RABGAP1L: variants seen among roughly 807,000 people sequenced by gnomAD.
The protein encoded by RABGAP1L is RAB GTPase activating protein 1 like, also known as rab GTPase-activating protein 1-like.
Under a neutral mutation model 137.7 loss-of-function variants are expected in RABGAP1L, and 63 were observed. The observed-to-expected ratio is 0.46, with a 90% CI of 0.37 to 0.56. The LOEUF is 0.56. RABGAP1L is among the 20% of genes least tolerant of loss of function. The probability of loss-of-function intolerance (pLI) is 0.00; values close to 1 mark genes in which losing one functional copy is unlikely to be tolerated. For missense variants in RABGAP1L, 1,095 were observed against 1,244.0 expected, an observed-to-expected ratio of 0.88 and a Z score of 1.80; for synonymous variants, 431 against 433.7, an observed-to-expected ratio of 0.99 and a Z score of 0.08.
intron 13 of RABGAP1L, among the ~76,000 whole-genome samples, chr1:174,509,923 C>T (rs975925366): frequency 6.6e-6 from 1 of 152,166 alleles, no homozygotes; most frequent in African/African-American, 2.4e-5. Flanking sequence ...AATTCATCTC[C>T]TTCATTCTGT....
intron 11 of RABGAP1L, among the ~76,000 whole-genome samples, chr1:174,360,247 A>AT (rs5778800): frequency 0.59 from 88,962 of 151,480 alleles, 29,012 homozygotes; most frequent in African/African-American, 0.89. Context: ...AAAAGTTAAA[A>AT]TTTTTTTTTG....
At chr1:174,942,658 G>A (rs529883379) in intron 19 of RABGAP1L, among the ~76,000 whole-genome samples, 1 of 152,206 alleles carries the variant, frequency 6.6e-6, no homozygotes, top group African/African-American at 2.4e-5. Context: ...ATTCATACAT[G>A]TAAAGCATAT....
intron 10 of RABGAP1L, among the ~76,000 whole-genome samples, chr1:174,285,736 A>G (rs893893769): frequency 3.9e-5 from 6 of 152,088 alleles, no homozygotes; most frequent in South Asian, 2.1e-4. Context: ...CTTGTCATAT[A>G]TGGTCTTTCT....
chr1:174,659,440 C>A (rs903754175), intron 14 of RABGAP1L, among the ~76,000 whole-genome samples: 1 of 152,168 alleles, frequency 6.6e-6, no homozygotes, highest in Non-Finnish European at 1.5e-5. Flanking sequence ...CCTGTCAGCA[C>A]CATCGTGCAC....
intron 19 of RABGAP1L, among the ~76,000 whole-genome samples, chr1:174,948,391 G>A (rs1481269505): frequency 6.6e-6 from 1 of 151,092 alleles, no homozygotes; most frequent in African/African-American, 2.4e-5. Context: ...GTATGGTGGC[G>A]GGTGCTTGTA....
At chr1:174,430,833 T>C (rs1455433278) in intron 13 of RABGAP1L, among the ~76,000 whole-genome samples, 3 of 152,200 alleles carry the variant, frequency 2.0e-5, no homozygotes, top group Non-Finnish European at 4.4e-5. Context: ...TTTTTTAACT[T>C]GGACTGCAGA....
chr1:174,621,642 C>T (rs996452822), intron 13 of RABGAP1L, among the ~76,000 whole-genome samples: 3 of 152,168 alleles, frequency 2.0e-5, no homozygotes, highest in Non-Finnish European at 2.9e-5. Flanking sequence ...GGAAAACTGG[C>T]TAGCCATATG....
chr1:174,885,225 T>C (rs1647833576), intron 19 of RABGAP1L, among the ~76,000 whole-genome samples: 1 of 152,210 alleles, frequency 6.6e-6, no homozygotes, highest in African/African-American at 2.4e-5. Flanking sequence ...TACAGAATCA[T>C]GTTAGTAGTA....
intron 13 of RABGAP1L, chr1:174,548,627 A>G (rs1303950547): frequency 2.3e-6 from 2 of 885,586 alleles, no homozygotes; most frequent in Non-Finnish European, 1.4e-6. Flanking sequence ...CATACCACCC[A>G]TCTTCCAATA....
chr1:174,633,389 C>G (rs1254251481), intron 13 of RABGAP1L, among the ~76,000 whole-genome samples: 1 of 149,888 alleles, frequency 6.7e-6, no homozygotes, highest in Non-Finnish European at 1.5e-5. Context: ...AAAGAGGATA[C>G]AAACAAATGG....
At chr1:174,424,613 T>G (rs16846999) in intron 13 of RABGAP1L, among the ~76,000 whole-genome samples, 9,045 of 152,144 alleles carry the variant, frequency 0.059, 948 homozygotes, top group African/African-American at 0.21. Flanking sequence ...AAGAAGGTGC[T>G]GAGTAATTTT....
chr1:174,343,169 C>A (rs1347687051), intron 11 of RABGAP1L, among the ~76,000 whole-genome samples: 1 of 152,174 alleles, frequency 6.6e-6, no homozygotes, highest in Non-Finnish European at 1.5e-5. Flanking sequence ...TCTTTAATTG[C>A]ACAGTATTCT....
At chr1:174,720,294 C>T (rs78850303) in intron 17 of RABGAP1L, among the ~76,000 whole-genome samples, 1,441 of 89,300 alleles carry the variant, frequency 0.016, 9 homozygotes, top group Non-Finnish European at 0.019. Flanking sequence ...GATAGATAGA[C>T]AGACAGATAG....
intron 11 of RABGAP1L, among the ~76,000 whole-genome samples, chr1:174,349,397 C>G: frequency 8.0e-6 from 1 of 125,592 alleles, no homozygotes; most frequent in East Asian, 2.7e-4. Flanking sequence ...GGCGGCTGGC[C>G]GGGTGGGGGG....
chr1:174,854,764 A>C (rs1289777502), intron 19 of RABGAP1L, among the ~76,000 whole-genome samples: 6 of 30,974 alleles, frequency 1.9e-4, no homozygotes, highest in Non-Finnish European at 3.4e-4. Flanking sequence ...TTTTTTTGAG[A>C]CGTTGTCTCA....
intron 17 of RABGAP1L, among the ~76,000 whole-genome samples, chr1:174,717,871 T>C (rs1681153163): frequency 6.6e-6 from 1 of 152,216 alleles, no homozygotes; most frequent in Admixed American, 6.5e-5. Context: ...GTACGTTAGT[T>C]GATTATACCA....
At chr1:174,204,248 G>A (rs1293422272) in intron 1 of RABGAP1L, among the ~76,000 whole-genome samples, 1 of 152,126 alleles carries the variant, frequency 6.6e-6, no homozygotes, top group African/African-American at 2.4e-5. Flanking sequence ...ACTGTGCCTG[G>A]CCTGTACATT....
intron 13 of RABGAP1L, among the ~76,000 whole-genome samples, chr1:174,426,107 T>G (rs1021523265): frequency 1.3e-5 from 2 of 152,088 alleles, no homozygotes; most frequent in Non-Finnish European, 2.9e-5. Flanking sequence ...CCTTTACACT[T>G]GAACACCACC....
chr1:174,336,803 C>T (rs1419760983), intron 11 of RABGAP1L, among the ~76,000 whole-genome samples: 1 of 151,238 alleles, frequency 6.6e-6, no homozygotes, highest in African/African-American at 2.4e-5. Context: ...ATGCAATAAT[C>T]TTGGCATGAT....
Sources: gnomAD v4.1 joint callset for allele counts (sites outside exome capture counted in the v4.1 genomes callset) on GRCh38, gnomAD v4.1.1 for gene constraint, MANE v1.5 for transcripts, NCBI Gene and HGNC (gene_info 2026-07-23, HGNC 2026-07-21) for gene names.